SPPL2B: variants seen among roughly 807,000 people sequenced by gnomAD.
The protein encoded by SPPL2B is signal peptide peptidase like 2B, also known as signal peptide peptidase-like 2B.
SPPL2B carries 39 observed loss-of-function variants against 59.7 expected under a neutral mutation model. The ratio of observed to expected loss-of-function variants is 0.65; its 90% CI spans 0.51 to 0.85. The LOEUF is 0.85. Ranked by LOEUF, SPPL2B falls within the 40% of genes least tolerant of loss-of-function variation. The pLI is 0.00. For synonymous variants in SPPL2B, 419 were observed against 370.8 expected, an observed-to-expected ratio of 1.13 and a Z score of -1.49; for missense variants, 865 against 849.0, an observed-to-expected ratio of 1.02 and a Z score of -0.23.
At chr19:2,347,816 G>A (rs868799180) in intron 13 of SPPL2B, among the ~76,000 whole-genome samples, 5 of 35,224 alleles carry the variant, frequency 1.4e-4, no homozygotes, top group Admixed American at 3.1e-4. Flanking sequence ...ACACACACGC[G>A]CTCTCATTCG....
At position 2,337,299 on chromosome 19, in the gene SPPL2B, C is replaced by T. The variant is rs771630058; in HGVS notation, c.187-144C>T. 3.2e-3 allele frequency: 2,312 copies of T among 723,004 alleles called. 9 individuals are homozygous for T. The highest frequency in any genetic ancestry group is 3.8e-3 in the Non-Finnish European group (1,767 of 459,384). The allele number at this position is 723,004 out of a possible 1,614,324, so 44.8% of individuals were successfully genotyped here. Reference sequence around the variant, plus strand: ...TGTGGGAGCTGCAGTAGGGATGGCTCTGCCTAGGTGGGCCGAGGCCGTGCG... The same window carrying T: ...TGTGGGAGCTGCAGTAGGGATGGCTTTGCCTAGGTGGGCCGAGGCCGTGCG... On this transcript the variant is annotated intron_variant, in intron 2 of 14. Coordinates refer to ENST00000613503, the MANE Select transcript of SPPL2B (RefSeq NM_152988.3).
In SPPL2B at chr19:2,353,458, T is replaced by G; in HGVS notation, c.*249T>G. The G allele has an allele frequency of 6.5e-6, 3 of 461,092 alleles. No individual in the cohort carries two copies. Among genetic ancestry groups the G allele is most frequent in the Non-Finnish European group, 3.9e-6 (1 of 259,416 alleles). 28.6% of individuals were successfully genotyped at this position (461,092 alleles called of 1,614,324 possible). A position where few individuals can be genotyped will look rare whatever the true frequency, so the allele number is the denominator to read the frequency against. ...CTGCCACAAGCTCTCTGCGGGTCCA[T>G]CCTCCCCACCGGGGTCCGTCCTCGC... On this transcript the variant is annotated 3_prime_UTR_variant, in exon 15 of 15. Transcript: ENST00000613503.
At chr19:2,339,262 GC>G (rs1968868334) in intron 5 of SPPL2B, 54 bp downstream of exon 5, 23 of 1,559,236 alleles carry the variant, frequency 1.5e-5, no homozygotes, top group Non-Finnish European at 1.0e-5. Flanking sequence ...TCTGACACGG[GC>G]CGGGACGGCC....
rs754237443 is a variant in SPPL2B at position 2,351,516 on chromosome 19, C to T, written c.1437C>T (p.Pro479=). 3.1e-6 allele frequency: 5 copies of T among 1,611,102 alleles called. No individual in the cohort carries two copies. The Admixed American group carries it at 5.0e-5, about 16-fold the overall frequency. Residue 479 remains proline (P), a synonymous_variant, in exon 14 of 15, where the codon CCC becomes CCT. Transcript: ENST00000613503. ...AGCCCGCTCTCCTCTACCTGGTGCC[C>T]TGCACGCTGGTGACGAGCTGCGCTG... is the stretch of plus-strand genomic sequence containing the variant. ...RGQPALLYLV[P]CTLVTSCAVA...
chr19:2,338,172 G>A (rs34741325), intron 3 of SPPL2B: 24,645 of 155,690 alleles, frequency 0.16, 2,458 homozygotes, highest in African/African-American at 0.29. Flanking sequence ...GGCAGGGTGC[G>A]TGGCCGCCCC....
intron 8 of SPPL2B, 144 bp downstream of exon 8, chr19:2,341,158 C>T (rs904837486): frequency 2.6e-5 from 19 of 720,036 alleles, no homozygotes; most frequent in Middle Eastern, 2.3e-4. Context: ...GCCCTGGCCC[C>T]GGGCTGCTCT....
Position 2,339,803 on chromosome 19 carries a change from G to A in SPPL2B, c.600-21G>A, listed in dbSNP as rs374983868. On this transcript the variant is annotated intron_variant, in intron 5 of 14. Transcript: ENST00000613503. ...CGGCCAGCCGGCCCCAGGGCCCCAC[G>A]ACCCCATGGTGTCTCCCAAGAAGGT... The A allele has an allele frequency of 8.0e-4, 1,274 of 1,599,940 alleles. 1 individual carries two copies. Among genetic ancestry groups the A allele is most frequent in the Non-Finnish European group, 1.0e-3 (1,183 of 1,173,678 alleles).
chr19:2,346,200 T>G (rs1035940808), intron 13 of SPPL2B, among the ~76,000 whole-genome samples: 9 of 152,228 alleles, frequency 5.9e-5, no homozygotes, highest in Non-Finnish European at 1.3e-4. Flanking sequence ...AGGCCAGGCC[T>G]CCTCTGCCGA....
At chr19:2,339,292 T>A in intron 5 of SPPL2B, 84 bp downstream of exon 5, 1 of 1,486,228 alleles carries the variant, frequency 6.7e-7, no homozygotes. Flanking sequence ...AGAACAGCAG[T>A]GAGTGCTTTG....
chr19:2,345,059 C>T (rs1969288513), intron 12 of SPPL2B, among the ~76,000 whole-genome samples, 194 bp from the exon 13 acceptor site: 1 of 152,138 alleles, frequency 6.6e-6, no homozygotes, highest in Non-Finnish European at 1.5e-5. Flanking sequence ...TCACTGTGGT[C>T]TCAGTTTACC....
chr19:2,350,535 C>T (rs1023027669), intron 13 of SPPL2B, among the ~76,000 whole-genome samples: 6 of 152,250 alleles, frequency 3.9e-5, no homozygotes, highest in South Asian at 2.1e-4. Flanking sequence ...CACGCTCCCC[C>T]GTGTACTGCA....
In SPPL2B at chr19:2,338,799, C is replaced by G; in HGVS notation, c.417C>G (p.Pro139=). The change falls in exon 4 of 15, where the codon CCC becomes CCG. Residue 139 remains proline, a synonymous_variant. Transcript: ENST00000613503. ...CGCAGTATGATGAGATTGGCATTCC[C>G]GTGGCCCTGCTCAGCTACAAAGACA... ...NKTQYDEIGI[P]VALLSYKDML... is the part of the protein sequence containing the mutation. 3 of 1,613,596 alleles carry G rather than the reference C, an allele frequency of 1.9e-6. No individual in the cohort carries two copies. The highest frequency in any genetic ancestry group is 2.5e-6 in the Non-Finnish European group (3 of 1,179,704).
In SPPL2B at chr19:2,353,553, T is replaced by G; in HGVS notation, c.*344T>G. ...TGAGTGAGCAGGCGTGGGTGGACTC[T>G]GGCCGCGGCCACACTTGGTGCTCAC... On this transcript the variant is annotated 3_prime_UTR_variant, in exon 15 of 15. Transcript: ENST00000613503. 1 of 282,488 alleles carries G rather than the reference T, an allele frequency of 3.5e-6. No individual in the cohort carries two copies. The highest frequency in any genetic ancestry group is 6.7e-6 in the Non-Finnish European group (1 of 149,582). The allele number at this position is 282,488 out of a possible 1,614,324, so 17.5% of individuals were successfully genotyped here.
rs76434667 is a variant in SPPL2B, at chr19:2,342,152, C to A, written c.957-1059C>A. On this transcript the variant is annotated intron_variant, in intron 8 of 14. Transcript: ENST00000613503. ...CTCGTCCAGCAAGTGACAGGCAGAG[C>A]CTGCATTGGGGGCAGGGGCCAGCGG... The A allele has an allele frequency of 1.9e-3, 296 of 154,410 alleles. 4 individuals carry two copies. The East Asian group carries it at 0.035, about 18-fold the overall frequency. The allele number at this position is 154,410 out of a possible 1,614,324, so 9.6% of individuals were successfully genotyped here. A position where few individuals can be genotyped will look rare whatever the true frequency, so the allele number is the denominator to read the frequency against.
In SPPL2B at chr19:2,332,027, C is replaced by T. The variant is rs1032038067; in HGVS notation, c.67-2575C>T. ...CACCCTCCGGGCTCGGCACCGGGGC[C>T]AGACTAAGGGGTGCTCTCACGGGCA... On this transcript the variant is annotated intron_variant, in intron 1 of 14. Transcript: ENST00000613503. The surrounding 1 kb of genome is among the most constrained non-coding windows in gnomAD (Gnocchi z 4.6). Among the ~76,000 whole-genome samples, 1 of 152,234 alleles carries T rather than the reference C, an allele frequency of 6.6e-6. No homozygotes were observed. The highest frequency in any genetic ancestry group is 1.5e-5 in the Non-Finnish European group (1 of 68,048).
At chr19:2,331,115 C>T (rs1968265291) in intron 1 of SPPL2B, among the ~76,000 whole-genome samples, 1 of 152,192 alleles carries the variant, frequency 6.6e-6, no homozygotes, top group African/African-American at 2.4e-5. Flanking sequence ...CCTCCCTTCC[C>T]CCACCCCACG....
In SPPL2B at chr19:2,334,697, T is replaced by C. The variant is rs747298119; in HGVS notation, c.162T>C (p.His54=). Residue 54 remains histidine (H), a synonymous_variant, in exon 2 of 15, where the codon CAT becomes CAC. Transcript: ENST00000613503. Reference sequence around the variant, plus strand: ...TCCTCTACAACCCGCAGTGGGCCCATCTTCCGCACGACCTCAGCAAGGCAG... The same window carrying C: ...TCCTCTACAACCCGCAGTGGGCCCACCTTCCGCACGACCTCAGCAAGGCAG... ...YCILYNPQWA[H]LPHDLSKASF... is the part of the protein sequence containing the mutation. 1.4e-5 allele frequency: 22 copies of C among 1,610,658 alleles called. No individual in the cohort carries two copies. The African/African-American group carries it at 2.4e-4, about 18-fold the overall frequency.
At chr19:2,351,922 G>T (rs1454347676) in intron 14 of SPPL2B, among the ~76,000 whole-genome samples, 1 of 152,114 alleles carries the variant, frequency 6.6e-6, no homozygotes, top group Non-Finnish European at 1.5e-5. Flanking sequence ...TTCTAAAGTT[G>T]CTTCTCCCAA....
At chr19:2,344,114 C>A in intron 10 of SPPL2B, 75 bp downstream of exon 10, 3 of 828,830 alleles carry the variant, frequency 3.6e-6, no homozygotes, top group Non-Finnish European at 3.6e-6. Context: ...CCCCATCACC[C>A]CCCCCATCAC....
Sources: allele counts gnomAD v4.1 joint callset (sites outside exome capture counted in the v4.1 genomes callset), GRCh38; gene constraint gnomAD v4.1.1; non-coding constraint Gnocchi (gnomAD v3.1); transcripts MANE v1.5; gene names NCBI Gene and HGNC (gene_info 2026-07-23, HGNC 2026-07-21).